Variants in HAUS8 observed in about 807,000 individuals in gnomAD.
HAUS8 encodes the protein HAUS augmin like complex subunit 8, also known as HAUS augmin-like complex subunit 8.
HAUS8 carries 38 observed loss-of-function variants against 42.9 expected under a neutral mutation model. The observed-to-expected ratio is 0.89, with a 90% CI of 0.68 to 1.16. The LOEUF is 1.16. Ranked by LOEUF, HAUS8 falls within the 50% of genes most tolerant of loss-of-function variation. The pLI is 0.00. For missense variants in HAUS8, 494 were observed against 511.6 expected (o/e 0.97, Z 0.33); for synonymous variants, 199 against 205.8 (o/e 0.97, Z 0.28).
At chr19:17,050,492 T>C (rs1008688433) in intron 10 of HAUS8, among the ~76,000 whole-genome samples, 3 of 152,080 alleles carry the variant, frequency 2.0e-5, no homozygotes, top group Non-Finnish European at 4.4e-5. Flanking sequence ...TAAAGTGGGA[T>C]TGAAGTGCTG....
intron 3 of HAUS8, among the ~76,000 whole-genome samples, chr19:17,066,819 C>T (rs947557461): frequency 3.9e-5 from 6 of 152,204 alleles, no homozygotes; most frequent in Non-Finnish European, 8.8e-5. Flanking sequence ...TATTCATAAT[C>T]ACCAAGACAG....
At chr19:17,059,905 G>A in intron 5 of HAUS8, 92 bp downstream of exon 5, 1 of 877,078 alleles carries the variant, frequency 1.1e-6, no homozygotes, top group East Asian at 2.4e-5. Context: ...TGTTGGATGT[G>A]ACCCCACTGT....
chr19:17,059,737 T>C, intron 5 of HAUS8, 86 bp from the exon 6 acceptor site: 3 of 840,898 alleles, frequency 3.6e-6, no homozygotes, highest in South Asian at 3.1e-5. Flanking sequence ...GATGGGTTTA[T>C]TGGGATGTAA....
chr19:17,073,685 A>G (rs1007001492), intron 1 of HAUS8: 24 of 256,114 alleles, frequency 9.4e-5, no homozygotes, highest in Non-Finnish European at 1.2e-4. Flanking sequence ...AACAAAACAC[A>G]GAGCTCCTTC....
intron 10 of HAUS8, chr19:17,052,516 T>TGCAGTGAGCTGAGATCTGC (rs1359726329): frequency 8.8e-6 from 2 of 227,808 alleles, no homozygotes; most frequent in Non-Finnish European, 1.7e-5. Flanking sequence ...AATTTGAGGT[T>TGCAGTGAGCTGAGATCTGC]GCAGTGAGCT....
rs777285418 is a variant in HAUS8 at position 17,058,600 on chromosome 19, C to A, written c.594G>T (p.Arg198Ser). 2 of 1,613,262 alleles carry A rather than the reference C, an allele frequency of 1.2e-6. No homozygotes were observed. The highest frequency in any genetic ancestry group is 2.2e-5 in the South Asian group (2 of 90,880). ...LQKKAHELKR[R>S]LLLSQRKREL... Reference sequence around the variant, plus strand: ...CCCGCTTCCTCTGAGAGAGGAGAAGCCTGCGCTTCAGCTCGTGGGCCTTTT... The same window carrying A: ...CCCGCTTCCTCTGAGAGAGGAGAAGACTGCGCTTCAGCTCGTGGGCCTTTT... The change falls in exon 8 of 11, where the codon AGG becomes AGT. Residue 198 changes from arginine (R) to serine (S), a missense_variant. Arg to Ser is a moderately radical substitution (Grantham distance 110, BLOSUM62 -1). Transcript: ENST00000253669.
At chr19:17,071,377 G>A (rs995597964) in intron 2 of HAUS8, among the ~76,000 whole-genome samples, 7 of 152,328 alleles carry the variant, frequency 4.6e-5, no homozygotes, top group South Asian at 2.1e-4. Context: ...CCTGCAGAGC[G>A]AGTGTGGGTG....
chr19:17,068,202 C>A (rs767181575), intron 3 of HAUS8, among the ~76,000 whole-genome samples: 1 of 149,926 alleles, frequency 6.7e-6, no homozygotes, highest in Non-Finnish European at 1.5e-5. Flanking sequence ...CAACCTCTGC[C>A]TCCCAGGTTC....
intron 9 of HAUS8, among the ~76,000 whole-genome samples, chr19:17,055,623 A>G (rs1338386583): frequency 1.3e-5 from 2 of 152,066 alleles, no homozygotes; most frequent in African/African-American, 4.8e-5. Flanking sequence ...CGTCCCCGCA[A>G]AATGCCTTTC....
chr19:17,057,857 G>A (rs888657724), intron 8 of HAUS8, among the ~76,000 whole-genome samples: 1 of 152,134 alleles, frequency 6.6e-6, no homozygotes, highest in Non-Finnish European at 1.5e-5. Flanking sequence ...AATCCAACAC[G>A]ACTGGTGTCT....
intron 9 of HAUS8, among the ~76,000 whole-genome samples, chr19:17,054,471 A>G (rs2123360533): frequency 6.7e-6 from 1 of 150,106 alleles, no homozygotes; most frequent in African/African-American, 2.5e-5. Context: ...CCTGGGCAAC[A>G]TAGCCACACC....
intron 2 of HAUS8, among the ~76,000 whole-genome samples, chr19:17,072,068 A>G (rs1004077394): frequency 6.6e-6 from 1 of 152,240 alleles, no homozygotes; most frequent in Non-Finnish European, 1.5e-5. Context: ...CTTGTCCAAG[A>G]ACGAGGTAGC....
intron 9 of HAUS8, chr19:17,055,146 ATATATATATATATAT>A (rs2057316119): frequency 5.0e-4 from 2 of 3,992 alleles, no homozygotes; most frequent in Non-Finnish European, 8.1e-4. Context: ...AAAAAAAAAT[ATATATATATATATAT>A]ATATATATAT....
chr19:17,049,902 G>C lies in HAUS8; in HGVS notation c.1204C>G (p.Leu402Val), dbSNP rs771209070. The change falls in exon 11 of 11, where the codon CTC becomes GTC. Residue 402 changes from leucine (L) to valine (V), a missense_variant. Physicochemically the swap from Leu to Val is conservative, Grantham distance 32 (BLOSUM62 1). Coordinates refer to ENST00000253669, the MANE Select transcript of HAUS8 (RefSeq NM_033417.2). ...GACAAGTCCCTCCCTGAACGAGAGAGAGAGGGCGGGACTTCTGCCTGGCTG... is the reference window on the plus strand; with the variant it reads ...GACAAGTCCCTCCCTGAACGAGAGACAGAGGGCGGGACTTCTGCCTGGCTG... The part of the protein sequence containing the change: ...SSSQAEVPPS[L>V]SRSGRDLS 6.6e-7 allele frequency: 1 copy of C among 1,506,962 alleles called. No individual in the cohort carries two copies. Among genetic ancestry groups the C allele is most frequent in the Non-Finnish European group, 8.9e-7 (1 of 1,126,848 alleles). The allele number at this position is 1,506,962 out of a possible 1,614,324, so 93.3% of individuals were successfully genotyped here. A position where few individuals can be genotyped will look rare whatever the true frequency, so the allele number is the denominator to read the frequency against.
intron 2 of HAUS8, among the ~76,000 whole-genome samples, chr19:17,070,190 C>T (rs963154463): frequency 6.6e-6 from 1 of 152,016 alleles, no homozygotes; most frequent in African/African-American, 2.4e-5. Context: ...TCCCGCCCCC[C>T]ACAATCCAGC....
intron 5 of HAUS8, 21 bp from the exon 6 acceptor site, chr19:17,059,672 T>C (rs2057348337): frequency 6.4e-7 from 1 of 1,568,232 alleles, no homozygotes; most frequent in Non-Finnish European, 8.8e-7. Flanking sequence ...GCACAGCATT[T>C]TTAATGGCAA....
chr19:17,074,004 A>G (rs1271735853), intron 1 of HAUS8: 4 of 138,802 alleles, frequency 2.9e-5, no homozygotes, highest in African/African-American at 1.1e-4. Flanking sequence ...CGTCTCAATA[A>G]ATAAATAAAT....
chr19:17,064,793 A>C (rs1332555125), intron 3 of HAUS8, among the ~76,000 whole-genome samples: 1 of 152,242 alleles, frequency 6.6e-6, no homozygotes, highest in East Asian at 1.9e-4. Flanking sequence ...ATCTTGGATT[A>C]GGTGGAGATA....
intron 8 of HAUS8, 85 bp downstream of exon 8, chr19:17,058,464 C>T (rs1006707176): frequency 8.2e-6 from 11 of 1,349,260 alleles, no homozygotes; most frequent in Middle Eastern, 2.7e-4. Context: ...CAATGATACC[C>T]TAGCACGAAT....
Sources: gnomAD v4.1 joint callset for allele counts (sites outside exome capture counted in the v4.1 genomes callset) on GRCh38, gnomAD v4.1.1 for gene constraint, MANE v1.5 for transcripts, NCBI Gene and HGNC (gene_info 2026-07-23, HGNC 2026-07-21) for gene names.